ZNF407: variants seen among roughly 807,000 people sequenced by gnomAD.
ZNF407 encodes the protein zinc finger protein 407.
ZNF407 carries 17 observed loss-of-function variants against 131.2 expected under a neutral mutation model. That is an observed-to-expected ratio of 0.13 (90% confidence interval 0.09 to 0.19). ZNF407 has a LOEUF of 0.19. Among genes scored for constraint, ZNF407 ranks in the 10% least tolerant of loss-of-function variants. ZNF407 has a pLI of 1.00. For missense variants in ZNF407, 2,681 were observed against 2,830.6 expected (o/e 0.95, Z 1.20); for synonymous variants, 1,156 against 1,062.0 (o/e 1.09, Z -1.72).
chr18:74,640,298 G>A (rs1984652520), intron 2 of ZNF407, among the ~76,000 whole-genome samples: 1 of 151,958 alleles, frequency 6.6e-6, no homozygotes, highest in Non-Finnish European at 1.5e-5. Context: ...AATTCTTTAT[G>A]AAATGACAAC....
intron 3 of ZNF407, among the ~76,000 whole-genome samples, chr18:74,642,018 T>C (rs1456016656): frequency 1.9e-4 from 1 of 5,288 alleles, no homozygotes. Flanking sequence ...ACATATTATA[T>C]TAGGTTTTTT....
At chr18:74,831,499 A>G (rs1012257974) in intron 4 of ZNF407, among the ~76,000 whole-genome samples, 1 of 152,176 alleles carries the variant, frequency 6.6e-6, no homozygotes, top group Non-Finnish European at 1.5e-5. Context: ...ACCTTATGTA[A>G]GTGCAGTCTT....
intron 8 of ZNF407, among the ~76,000 whole-genome samples, chr18:74,936,632 G>A (rs894596838): frequency 3.1e-4 from 47 of 152,130 alleles, no homozygotes; most frequent in African/African-American, 1.1e-3. Flanking sequence ...TAAGCCAGCC[G>A]CAGGTAGGAT....
intron 4 of ZNF407, among the ~76,000 whole-genome samples, chr18:74,841,154 C>T (rs909717680): frequency 3.3e-5 from 5 of 152,346 alleles, no homozygotes; most frequent in Admixed American, 2.0e-4. Flanking sequence ...CAGATTTTCT[C>T]ATGTAGTAAT....
chr18:74,722,565 T>G (rs1968065039), intron 3 of ZNF407, among the ~76,000 whole-genome samples: 1 of 152,118 alleles, frequency 6.6e-6, no homozygotes, highest in African/African-American at 2.4e-5. Context: ...CTTCCTCACC[T>G]TGGCACAGAG....
In ZNF407 at chr18:74,968,059, TGAG is replaced by T. The variant is rs1406720319; in HGVS notation, c.5428+47371_5428+47373del. On this transcript the variant is annotated intron_variant, in intron 8 of 8. Transcript: ENST00000299687. ...TATCTAGGGGTGGGAAGAAGTGACT[TGAG>T]GAGCAAGTCCTGGACATCAGTGACC... Among the ~76,000 whole-genome samples, 5 of 152,310 alleles carry T rather than the reference TGAG, an allele frequency of 3.3e-5. No individual in the cohort carries two copies. The East Asian group carries it at 7.7e-4, about 24-fold the overall frequency.
intron 3 of ZNF407, among the ~76,000 whole-genome samples, chr18:74,669,465 G>A (rs141500318): frequency 4.6e-5 from 7 of 152,250 alleles, no homozygotes; most frequent in African/African-American, 9.6e-5. Context: ...TTAGGGTAGC[G>A]TTCCCAATCA....
At chr18:74,798,389 A>G (rs1423516895) in intron 4 of ZNF407, among the ~76,000 whole-genome samples, 1 of 152,162 alleles carries the variant, frequency 6.6e-6, no homozygotes, top group African/African-American at 2.4e-5. Flanking sequence ...AAGGCAAGGA[A>G]GAATATATTT....
intron 4 of ZNF407, among the ~76,000 whole-genome samples, chr18:74,821,308 T>C (rs1161143114): frequency 6.6e-6 from 1 of 152,098 alleles, no homozygotes; most frequent in Non-Finnish European, 1.5e-5. Context: ...CTGGGATACA[T>C]GTGCAGAACA....
At chr18:74,789,532 CA>C (rs1969785046) in intron 4 of ZNF407, among the ~76,000 whole-genome samples, 4 of 152,264 alleles carry the variant, frequency 2.6e-5, no homozygotes, top group Admixed American at 6.5e-5. Flanking sequence ...TCCAGCTGAA[CA>C]GGCTGTGGCT....
intron 8 of ZNF407, among the ~76,000 whole-genome samples, chr18:75,058,160 G>A (rs1417472194): frequency 6.6e-6 from 1 of 152,098 alleles, no homozygotes; most frequent in African/African-American, 2.4e-5. Context: ...CCCGCATAAT[G>A]GAGCTTGTGT....
chr18:75,064,256 G>A lies in ZNF407; in HGVS notation c.6535G>A (p.Val2179Met), dbSNP rs1310365467. 1 of 1,606,186 alleles carries A rather than the reference G, an allele frequency of 6.2e-7. No homozygotes were observed. Among genetic ancestry groups the A allele is most frequent in the South Asian group, 1.1e-5 (1 of 90,288 alleles). Residue 2179 changes from valine (V) to methionine (M), a missense_variant, in exon 9 of 9, where the codon GTG becomes ATG. Around this residue, in one of 6 missense-constraint regions of ZNF407, gnomAD observed 620 missense variants for 583.1 expected, o/e 1.06. Transcript: ENST00000299687. ...CATCCTGACAGAGCTGCCCCCAGGGGTGCAGGACGAGCCGGGCCTGTACTC... is the reference window on the plus strand; with the variant it reads ...CATCCTGACAGAGCTGCCCCCAGGGATGCAGGACGAGCCGGGCCTGTACTC... ...HYILTELPPG[V>M]QDEPGLYSHT...
At chr18:74,945,501 ATTACTCTCAGAGCTGATTTTGT>A (rs1972145294) in intron 8 of ZNF407, among the ~76,000 whole-genome samples, 1 of 152,192 alleles carries the variant, frequency 6.6e-6, no homozygotes, top group Non-Finnish European at 1.5e-5. Flanking sequence ...TGCCTGGAAA[ATTACTCTCAGAGCTGATTTTGT>A]TTTAATATGT....
Position 74,703,279 on chromosome 18 carries a change from G to A in ZNF407, c.4802+62157G>A, listed in dbSNP as rs1186241412. Among the ~76,000 whole-genome samples the A allele has an allele frequency of 6.6e-6, 1 of 152,142 alleles. No homozygotes were observed. The highest frequency in any genetic ancestry group is 1.5e-5 in the Non-Finnish European group (1 of 68,028). On this transcript the variant is annotated intron_variant, in intron 3 of 8. Coordinates refer to ENST00000299687, the MANE Select transcript of ZNF407 (RefSeq NM_017757.3). This position sits in a 1 kb window ranked among gnomAD's most constrained non-coding sequence, Gnocchi z 4.1. ...AGAATTCTGAGAAATGTAGTTCACA[G>A]CCTAGATGAGACGACCCATTACAGA... is the stretch of plus-strand genomic sequence containing the variant.
intron 4 of ZNF407, among the ~76,000 whole-genome samples, chr18:74,846,982 A>G (rs1233526181): frequency 3.7e-5 from 5 of 136,184 alleles, no homozygotes; most frequent in Non-Finnish European, 8.2e-5. Context: ...CGACAGAGCA[A>G]GACTTAGTCT....
intron 8 of ZNF407, among the ~76,000 whole-genome samples, chr18:74,955,172 G>A (rs1972261774): frequency 6.6e-6 from 1 of 152,148 alleles, no homozygotes; most frequent in African/African-American, 2.4e-5. Flanking sequence ...GGGATGGGCT[G>A]AGCTGCAGAA....
chr18:75,061,509 C>G (rs1440556080), intron 8 of ZNF407: 2 of 152,372 alleles, frequency 1.3e-5, no homozygotes, highest in Non-Finnish European at 2.9e-5. Context: ...GTGTGATGTG[C>G]GCCTGGCCGT....
chr18:75,035,662 T>TA (rs1347298852), intron 8 of ZNF407, among the ~76,000 whole-genome samples: 1 of 152,260 alleles, frequency 6.6e-6, no homozygotes, highest in Non-Finnish European at 1.5e-5. Context: ...CAGTGGCTGA[T>TA]ACGTCCTGCA....
chr18:74,668,535 T>G (rs372824867), intron 3 of ZNF407, among the ~76,000 whole-genome samples: 28 of 152,360 alleles, frequency 1.8e-4, no homozygotes, highest in African/African-American at 6.7e-4. Context: ...GTATTTATAC[T>G]CAGAATTTCC....
Sources: allele counts gnomAD v4.1 joint callset (sites outside exome capture counted in the v4.1 genomes callset), GRCh38; gene constraint gnomAD v4.1.1; regional missense constraint gnomAD v4.1.1; non-coding constraint Gnocchi (gnomAD v3.1); transcripts MANE v1.5; gene names NCBI Gene and HGNC (gene_info 2026-07-23, HGNC 2026-07-21).